Variants in PLEKHA6 observed in about 807,000 individuals in gnomAD.
PLEKHA6 encodes the protein pleckstrin homology domain containing A6, also known as pleckstrin homology domain-containing family A member 6.
PLEKHA6 carries 60 observed loss-of-function variants against 116.7 expected under a neutral mutation model. That is an observed-to-expected ratio of 0.51 (90% confidence interval 0.42 to 0.64). The LOEUF (loss-of-function observed/expected upper bound fraction) is 0.64. PLEKHA6 is among the 30% of genes least tolerant of loss of function. The pLI is 0.00. For missense variants in PLEKHA6, 1,338 were observed against 1,422.7 expected, an observed-to-expected ratio of 0.94 and a Z score of 0.96; for synonymous variants, 489 against 556.1, an observed-to-expected ratio of 0.88 and a Z score of 1.70.
chr1:204,312,080 G>A (rs61355753), intron 1 of PLEKHA6, among the ~76,000 whole-genome samples: 2,254 of 152,284 alleles, frequency 0.015, 67 homozygotes, highest in African/African-American at 0.052. Context: ...TTATAGCACA[G>A]GAAACTCATG....
At chr1:204,304,235 C>A (rs1295152939) in intron 1 of PLEKHA6, among the ~76,000 whole-genome samples, 4 of 152,190 alleles carry the variant, frequency 2.6e-5, no homozygotes, top group Non-Finnish European at 2.9e-5. Flanking sequence ...GTCCTAATCC[C>A]AAAGCCCTGC....
chr1:204,345,394 A>G lies in PLEKHA6; in HGVS notation c.-95+14300T>C, dbSNP rs4951363. Among the ~76,000 whole-genome samples the G allele has an allele frequency of 7.1e-3, 1,085 of 152,152 alleles. 60 individuals carry two copies. Among genetic ancestry groups the G allele is most frequent in the Admixed American group, 0.066 (1,009 of 15,288 alleles). ...ATCAGAAGGTGCCTGAGCTTCCCCT[A>G]TGCCTGCCAACCCAGGCTTCTTTGC... On this transcript the variant is annotated intron_variant, in intron 1 of 22. Transcript: ENST00000272203.
At chr1:204,279,244 C>T (rs1342290764) in intron 1 of PLEKHA6, among the ~76,000 whole-genome samples, 1 of 152,202 alleles carries the variant, frequency 6.6e-6, no homozygotes, top group African/African-American at 2.4e-5. Context: ...TAAATTACTT[C>T]TCCTATGCCC....
chr1:204,234,966 A>G (rs1661748954), intron 17 of PLEKHA6, among the ~76,000 whole-genome samples: 1 of 6,644 alleles, frequency 1.5e-4, no homozygotes, highest in Non-Finnish European at 2.4e-4. Flanking sequence ...ATATATATAT[A>G]TATATATATA....
At chr1:204,276,086 G>A (rs1056650396) in intron 1 of PLEKHA6, among the ~76,000 whole-genome samples, 1 of 152,186 alleles carries the variant, frequency 6.6e-6, no homozygotes, top group Non-Finnish European at 1.5e-5. Flanking sequence ...ACACATCCCA[G>A]CCCTTGGGCT....
rs1318940327 is a variant in PLEKHA6 at position 204,259,242 on chromosome 1, C to T, written c.1007+16G>A. 9 of 1,610,392 alleles carry T rather than the reference C, an allele frequency of 5.6e-6. No individual in the cohort carries two copies. Among genetic ancestry groups the T allele is most frequent in the South Asian group, 3.3e-5 (3 of 90,796 alleles). On this transcript the variant is annotated intron_variant, in intron 8 of 22. Coordinates refer to ENST00000272203, the MANE Select transcript of PLEKHA6 (RefSeq NM_014935.5). This position sits in a 1 kb window ranked among gnomAD's most constrained non-coding sequence, Gnocchi z 4.6. ...AATACCATATCAGCCCCACCCCAGC[C>T]GCCGGCATGCCTCACCTCCGAAGGT...
chr1:204,241,636 C>T (rs1401449434), intron 16 of PLEKHA6, 49 bp downstream of exon 16: 8 of 1,531,824 alleles, frequency 5.2e-6, no homozygotes, highest in Non-Finnish European at 7.0e-6. Context: ...CAGGGCTCCT[C>T]CCTGAGCATC....
Position 204,259,418 on chromosome 1 carries a change from T to G in PLEKHA6, c.847A>C (p.Thr283Pro). 1.2e-6 allele frequency: 2 copies of G among 1,614,216 alleles called. No individual in the cohort carries two copies. The change falls in exon 8 of 23, where the codon ACA becomes CCA. Residue 283 changes from threonine to proline, a missense_variant. This residue lies in a region of PLEKHA6 where 1,136 missense variants were observed against 1,163.6 expected (regional missense o/e 0.98). Coordinates refer to ENST00000272203, the MANE Select transcript of PLEKHA6 (RefSeq NM_014935.5). The surrounding 1 kb of genome is among the most constrained non-coding windows in gnomAD (Gnocchi z 4.6). Reference sequence around the variant, plus strand: ...TCTCCATCCTGAGACGGGAAAGCTGTGCTCCCTGGCCGGCTTGGGGAGTGG... The same window carrying G: ...TCTCCATCCTGAGACGGGAAAGCTGGGCTCCCTGGCCGGCTTGGGGAGTGG... ...QYHSPSRPGS[T>P]AFPSQDGETG...
In PLEKHA6 at chr1:204,228,103, C is replaced by T. The variant is rs747483359; in HGVS notation, c.3011G>A (p.Arg1004His). The T allele has an allele frequency of 7.4e-6, 12 of 1,612,332 alleles. No homozygotes were observed. The highest frequency in any genetic ancestry group is 1.3e-5 in the African/African-American group (1 of 74,904). The change falls in exon 21 of 23, where the codon CGC (arginine) becomes CAC (histidine). Residue 1004 changes from arginine (R) to histidine (H), a missense_variant. By Grantham distance (29) the Arg-to-His change is conservative. Transcript: ENST00000272203. The surrounding 1 kb of genome is among the most constrained non-coding windows in gnomAD (Gnocchi z 4.0). The part of the protein sequence containing the change: ...ISCALATEAS[R>H]RGRMLSVQCA... ...CTCACCAGACAGCATGCGGCCCCTG[C>T]GGGAGGCCTCGGTCGCCAGGGCGCA...
chr1:204,268,857 A>G (rs1667135585), intron 3 of PLEKHA6, among the ~76,000 whole-genome samples: 1 of 152,040 alleles, frequency 6.6e-6, no homozygotes, highest in African/African-American at 2.4e-5. Context: ...CCACTGCCTG[A>G]TCTCCCACTG....
intron 17 of PLEKHA6, among the ~76,000 whole-genome samples, chr1:204,237,978 G>A (rs1662296682): frequency 6.6e-6 from 1 of 152,210 alleles, no homozygotes; most frequent in Non-Finnish European, 1.5e-5. Context: ...ATTTCCAGGG[G>A]TACAGTGGTA....
At chr1:204,348,714 A>ACCCCCCCCCCCCCCCC (rs3038282) in intron 1 of PLEKHA6, among the ~76,000 whole-genome samples, 4 of 136,642 alleles carry the variant, frequency 2.9e-5, no homozygotes, top group African/African-American at 1.2e-4. Context: ...CAGGTGCCAA[A>ACCCCCCCCCCCCCCCC]CCCCCCCCCC....
chr1:204,307,940 G>C (rs1671455904), intron 1 of PLEKHA6: 1 of 957,308 alleles, frequency 1.0e-6, no homozygotes, highest in Non-Finnish European at 1.2e-6. Context: ...GAGATTTTGA[G>C]ACTATTCCTC....
chr1:204,281,221 A>G (rs1452651932), intron 1 of PLEKHA6: 1 of 152,260 alleles, frequency 6.6e-6, no homozygotes, highest in Non-Finnish European at 1.5e-5. Context: ...TCTAAAAAAA[A>G]CCAAAAACAA....
In PLEKHA6 at chr1:204,346,573, C is replaced by T. The variant is rs186398604; in HGVS notation, c.-95+13121G>A. 3.9e-5 allele frequency among the ~76,000 whole-genome samples: 6 copies of T among 152,250 alleles called. No homozygotes were observed. In the East Asian group the frequency reaches 1.2e-3, roughly 30 times the overall value. Reference sequence around the variant, plus strand: ...ACTCACAGTTGGGTCACACGAGGGGCAAGAAGATGGCTCGGCAGGAAACAT... The same window carrying T: ...ACTCACAGTTGGGTCACACGAGGGGTAAGAAGATGGCTCGGCAGGAAACAT... On this transcript the variant is annotated intron_variant, in intron 1 of 22. Coordinates refer to ENST00000272203, the MANE Select transcript of PLEKHA6 (RefSeq NM_014935.5).
chr1:204,297,892 G>A, intron 1 of PLEKHA6: 1 of 985,114 alleles, frequency 1.0e-6, no homozygotes, highest in South Asian at 4.7e-5. Context: ...GTGAGTGATA[G>A]AGGGAAGACG....
intron 17 of PLEKHA6, among the ~76,000 whole-genome samples, chr1:204,236,969 A>G (rs772338839): frequency 1.3e-5 from 2 of 152,186 alleles, no homozygotes; most frequent in Admixed American, 1.3e-4. Flanking sequence ...TCTTTCTTCT[A>G]TCCTTCTCCA....
At chr1:204,320,392 C>A in intron 1 of PLEKHA6, 1 of 589,558 alleles carries the variant, frequency 1.7e-6, no homozygotes, top group Non-Finnish European at 2.1e-6. Context: ...AGGAGCCATG[C>A]CCTCCATCTG....
chr1:204,345,229 C>T (rs1672992767), intron 1 of PLEKHA6, among the ~76,000 whole-genome samples: 1 of 152,128 alleles, frequency 6.6e-6, no homozygotes, highest in Non-Finnish European at 1.5e-5. Context: ...ACACTGGGCC[C>T]GATTGGGATG....
Sources: gnomAD v4.1 joint callset for allele counts (sites outside exome capture counted in the v4.1 genomes callset) on GRCh38, gnomAD v4.1.1 for gene constraint, gnomAD v4.1.1 regional missense constraint, Gnocchi (gnomAD v3.1) non-coding constraint, MANE v1.5 for transcripts, NCBI Gene and HGNC (gene_info 2026-07-23, HGNC 2026-07-21) for gene names.